MTHFD2L: variants seen among roughly 807,000 people sequenced by gnomAD.
MTHFD2L encodes the protein bifunctional methylenetetrahydrofolate dehydrogenase/cyclohydrolase 2, mitochondrial.
In MTHFD2L, 29 loss-of-function variants were observed where a neutral mutation model predicts 34.9. The observed-to-expected ratio is 0.83, with a 90% CI of 0.62 to 1.13. MTHFD2L has a LOEUF of 1.13. Among genes scored for constraint, MTHFD2L ranks in the 50% most tolerant of loss-of-function variants. The pLI, the probability that MTHFD2L is intolerant of heterozygous loss-of-function variation, is 0.00. For missense variants in MTHFD2L, 481 were observed against 446.5 expected (o/e 1.08, Z -0.70); for synonymous variants, 167 against 155.7 (o/e 1.07, Z -0.54).
At chr4:74,132,680 A>G (rs1436817573) in intron 1 of MTHFD2L, among the ~76,000 whole-genome samples, 5 of 152,200 alleles carry the variant, frequency 3.3e-5, no homozygotes, top group Admixed American at 2.6e-4. Context: ...TAGCACATGT[A>G]TACCTATGTA....
At chr4:74,125,315 T>A (rs1421187824), upstream of MTHFD2L, 1 of 152,108 alleles carries the variant, frequency 6.6e-6, no homozygotes, top group Non-Finnish European at 1.5e-5. Flanking sequence ...CCCAGAAAAT[T>A]GTGAAAAAAT....
intron 1 of MTHFD2L, among the ~76,000 whole-genome samples, chr4:74,173,911 C>T (rs1352111439): frequency 6.6e-6 from 1 of 152,034 alleles, no homozygotes; most frequent in Non-Finnish European, 1.5e-5. Flanking sequence ...AAGAAATGTA[C>T]ACTGTCGTTA....
chr4:74,121,120 T>A (rs894171812), upstream of MTHFD2L, among the ~76,000 whole-genome samples: 44 of 152,174 alleles, frequency 2.9e-4, no homozygotes, highest in African/African-American at 1.1e-3. Flanking sequence ...TAGTGCATGA[T>A]CACCTGTCTC....
upstream of MTHFD2L, among the ~76,000 whole-genome samples, chr4:74,153,427 A>C (rs1254484678): frequency 6.6e-6 from 1 of 152,224 alleles, no homozygotes; most frequent in Non-Finnish European, 1.5e-5. Flanking sequence ...GCAACTTCCA[A>C]AATTTTCATT....
chr4:74,178,723 T>A (rs1202680969), intron 3 of MTHFD2L, among the ~76,000 whole-genome samples: 1 of 152,248 alleles, frequency 6.6e-6, no homozygotes, highest in East Asian at 1.9e-4. Flanking sequence ...ATGACACTTT[T>A]GTATGCCATT....
At chr4:74,139,424 G>C (rs1354663728) in intron 1 of MTHFD2L, among the ~76,000 whole-genome samples, 1 of 152,206 alleles carries the variant, frequency 6.6e-6, no homozygotes, top group Non-Finnish European at 1.5e-5. Context: ...CTCCGTTTGT[G>C]TCTGGCTGTC....
intron 6 of MTHFD2L, among the ~76,000 whole-genome samples, chr4:74,277,370 G>A (rs897113372): frequency 6.6e-6 from 1 of 151,946 alleles, no homozygotes; most frequent in African/African-American, 2.4e-5. Flanking sequence ...TAAGAGGGAG[G>A]AGGACATAGC....
rs201477382 is a variant in MTHFD2L at position 74,199,905 on chromosome 4, C to T, written c.563C>T (p.Pro188Leu). 131 of 1,613,836 alleles carry T rather than the reference C, an allele frequency of 8.1e-5. No individual in the cohort carries two copies. Among genetic ancestry groups the T allele is most frequent in the Non-Finnish European group, 2.1e-5 (25 of 1,179,974 alleles). Residue 188 changes from proline (P) to leucine (L), a missense_variant, in exon 4 of 8, where the codon CCT becomes CTT. Coordinates refer to ENST00000325278, the MANE Select transcript of MTHFD2L (RefSeq NM_001144978.3). Reference protein sequence around the residue: ...RLCLDQHSLIPATASAVWEII... With the variant: ...RLCLDQHSLILATASAVWEII... ...TGCCTTGATCAGCATTCTCTCATAC[C>T]TGCCACTGCCAGTGCTGTTTGGGAA...
intron 7 of MTHFD2L, among the ~76,000 whole-genome samples, chr4:74,294,669 CA>C (rs1345970643): frequency 6.6e-6 from 1 of 152,006 alleles, no homozygotes; most frequent in Non-Finnish European, 1.5e-5. Context: ...TAGTTTCTTC[CA>C]TCATCTCTAT....
chr4:74,146,344 AT>A (rs1723593536), intron 1 of MTHFD2L, among the ~76,000 whole-genome samples: 1 of 152,168 alleles, frequency 6.6e-6, no homozygotes. Context: ...TAATTTTTAA[AT>A]TTTTTAAATT....
intron 1 of MTHFD2L, among the ~76,000 whole-genome samples, chr4:74,139,970 C>T (rs546085513): frequency 1.6e-4 from 24 of 152,086 alleles, no homozygotes; most frequent in African/African-American, 5.8e-4. Flanking sequence ...AGTTTTATCA[C>T]AGGTAAAATA....
At chr4:74,293,452 A>G (rs867840300) in intron 7 of MTHFD2L, 4 of 833,456 alleles carry the variant, frequency 4.8e-6, no homozygotes, top group Middle Eastern at 6.0e-4. Flanking sequence ...CTACCACATT[A>G]GGACAATAAT....
At chr4:74,239,511 G>C (rs1024544477) in intron 6 of MTHFD2L, among the ~76,000 whole-genome samples, 41 of 151,048 alleles carry the variant, frequency 2.7e-4, no homozygotes, top group African/African-American at 9.7e-4. Context: ...AAGGCTTCTG[G>C]ATCTGTCTTT....
At chr4:74,266,876 A>T (rs1287825684) in intron 6 of MTHFD2L, 2 of 985,210 alleles carry the variant, frequency 2.0e-6, no homozygotes, top group East Asian at 2.3e-4. Context: ...GTAAAAAAGT[A>T]ATTTGTTTTC....
chr4:74,199,332 A>G (rs1734016300), intron 3 of MTHFD2L, among the ~76,000 whole-genome samples: 2 of 152,106 alleles, frequency 1.3e-5, no homozygotes. Context: ...GAGGAAGCTA[A>G]GAACTCATGA....
At chr4:74,143,334 G>GA in intron 1 of MTHFD2L, 1 of 831,924 alleles carries the variant, frequency 1.2e-6, no homozygotes, top group Non-Finnish European at 1.4e-6. Flanking sequence ...TGGTGACAGT[G>GA]AAGGCAAAGA....
intron 5 of MTHFD2L, among the ~76,000 whole-genome samples, chr4:74,215,025 TA>T (rs2110093334): frequency 6.6e-6 from 1 of 151,790 alleles, no homozygotes; most frequent in East Asian, 1.9e-4. Context: ...CAAGCCTCAG[TA>T]AATGGTGGAC....
chr4:74,183,743 A>G (rs1730622193), intron 3 of MTHFD2L: 1 of 152,076 alleles, frequency 6.6e-6, no homozygotes, highest in South Asian at 2.1e-4. Context: ...CAAGGAATTA[A>G]GAGCTCTGGA....
intron 1 of MTHFD2L, among the ~76,000 whole-genome samples, chr4:74,130,141 G>A (rs776561187): frequency 1.3e-5 from 2 of 152,010 alleles, no homozygotes; most frequent in Admixed American, 6.6e-5. Flanking sequence ...ATTCACAGCC[G>A]AATTCTACCA....
Sources: allele counts gnomAD v4.1 joint callset (sites outside exome capture counted in the v4.1 genomes callset), GRCh38; gene constraint gnomAD v4.1.1; transcripts MANE v1.5; gene names NCBI Gene and HGNC (gene_info 2026-07-23, HGNC 2026-07-21).